PAMR1: variants seen among roughly 807,000 people sequenced by gnomAD.
PAMR1 encodes the protein inactive serine protease PAMR1.
A neutral mutation model predicts 81.8 loss-of-function variants in PAMR1; 88 were observed. The observed-to-expected ratio is 1.08, with a 90% CI of 0.91 to 1.28. PAMR1 has a LOEUF of 1.28. PAMR1 is among the 50% of genes most tolerant of loss of function. The pLI, the probability that PAMR1 is intolerant of heterozygous loss-of-function variation, is 0.00. For synonymous variants in PAMR1, 336 were observed against 345.3 expected (o/e 0.97, Z 0.30); for missense variants, 935 against 919.7 (o/e 1.02, Z -0.21).
intron 1 of PAMR1, among the ~76,000 whole-genome samples, chr11:35,496,231 C>T (rs1435444540): frequency 6.6e-6 from 1 of 152,160 alleles, no homozygotes; most frequent in African/African-American, 2.4e-5. Flanking sequence ...TTAGACATGA[C>T]ACCAAAAGCA....
At chr11:35,511,628 AT>A (rs1181811330) in intron 1 of PAMR1, among the ~76,000 whole-genome samples, 8 of 152,174 alleles carry the variant, frequency 5.3e-5, no homozygotes, top group Non-Finnish European at 5.9e-5. Flanking sequence ...CTGAGGTTTT[AT>A]TTTTACCGTC....
intron 6 of PAMR1, among the ~76,000 whole-genome samples, chr11:35,451,641 G>A (rs1856419955): frequency 6.6e-6 from 1 of 152,180 alleles, no homozygotes; most frequent in African/African-American, 2.4e-5. Context: ...ATGCTTCTGA[G>A]TTAGGATCCA....
upstream of PAMR1, among the ~76,000 whole-genome samples, chr11:35,526,653 G>A (rs372104673): frequency 6.6e-6 from 1 of 152,230 alleles, no homozygotes; most frequent in East Asian, 1.9e-4. Context: ...GGCAGAGCCA[G>A]GGTTTGAACC....
upstream of PAMR1, among the ~76,000 whole-genome samples, chr11:35,527,059 T>C (rs1436179419): frequency 6.6e-6 from 1 of 152,054 alleles, no homozygotes; most frequent in Non-Finnish European, 1.5e-5. Context: ...GAAGGTAGAA[T>C]CTGTAAAGCT....
intron 1 of PAMR1, among the ~76,000 whole-genome samples, chr11:35,504,292 T>G (rs613107): frequency 2.0e-5 from 3 of 151,912 alleles, no homozygotes; most frequent in Admixed American, 6.6e-5. Context: ...TTTGTTGAAG[T>G]TATTTGCATC....
chr11:35,450,297 G>A (rs994673946), intron 6 of PAMR1, among the ~76,000 whole-genome samples: 2 of 152,148 alleles, frequency 1.3e-5, no homozygotes, highest in African/African-American at 4.8e-5. Context: ...CTATGCGTAA[G>A]TTAATCTCAA....
intron 9 of PAMR1, 79 bp from the exon 10 acceptor site, chr11:35,434,883 C>T (rs1318197384): frequency 5.0e-6 from 7 of 1,406,766 alleles, no homozygotes; most frequent in Non-Finnish European, 6.9e-6. Flanking sequence ...AACCAGAGAG[C>T]ACAAATCTGG....
chr11:35,442,609 T>C (rs141936337), intron 6 of PAMR1, among the ~76,000 whole-genome samples: 3 of 151,950 alleles, frequency 2.0e-5, no homozygotes, highest in Admixed American at 6.6e-5. Flanking sequence ...CTTTTTCTTT[T>C]TTTATTTATT....
At chr11:35,450,952 C>T (rs1856404925) in intron 6 of PAMR1, among the ~76,000 whole-genome samples, 1 of 152,166 alleles carries the variant, frequency 6.6e-6, no homozygotes, top group African/African-American at 2.4e-5. Flanking sequence ...AGTGGAGCTC[C>T]CCATCGATTT....
At chr11:35,480,397 G>C (rs1447162467) in intron 3 of PAMR1, among the ~76,000 whole-genome samples, 1 of 152,222 alleles carries the variant, frequency 6.6e-6, no homozygotes, top group African/African-American at 2.4e-5. Context: ...TCAATGGACA[G>C]GGTCTGGCTA....
At chr11:35,481,246 G>T (rs1850384939) in intron 3 of PAMR1, among the ~76,000 whole-genome samples, 1 of 152,126 alleles carries the variant, frequency 6.6e-6, no homozygotes, top group South Asian at 2.1e-4. Context: ...GGGTCAAATG[G>T]TATTTCTGGT....
At chr11:35,462,833 C>T (rs1352847142) in intron 6 of PAMR1, among the ~76,000 whole-genome samples, 1 of 152,162 alleles carries the variant, frequency 6.6e-6, no homozygotes, top group African/African-American at 2.4e-5. Context: ...AGTGTCAAAC[C>T]AAGGTTTTTC....
intron 1 of PAMR1, among the ~76,000 whole-genome samples, chr11:35,515,715 CAG>C (rs1399555000): frequency 1.3e-5 from 2 of 152,182 alleles, no homozygotes; most frequent in Non-Finnish European, 2.9e-5. Context: ...ATTTCAAACA[CAG>C]AGAAATGAAG....
At chr11:35,528,795 A>C (rs1022353059), upstream of PAMR1, among the ~76,000 whole-genome samples, 16 of 152,292 alleles carry the variant, frequency 1.1e-4, no homozygotes, top group Middle Eastern at 6.8e-3. Context: ...CTGTTTCTGG[A>C]ATCCCCTTCA....
At chr11:35,490,682 T>G (rs1025473035) in intron 3 of PAMR1, among the ~76,000 whole-genome samples, 6 of 152,134 alleles carry the variant, frequency 3.9e-5, no homozygotes, top group African/African-American at 1.4e-4. Context: ...ACCTAACAAT[T>G]CAGTAATTAA....
intron 4 of PAMR1, 63 bp from the exon 5 acceptor site, chr11:35,470,881 G>T: frequency 3.5e-6 from 4 of 1,144,034 alleles, no homozygotes; most frequent in Non-Finnish European, 5.2e-6. Flanking sequence ...AGACCGCTGG[G>T]CTCATTCAAG....
chr11:35,504,532 C>CTTTTTTTTTTTTTTTTTTTTT (rs150880715), intron 1 of PAMR1, among the ~76,000 whole-genome samples: 1 of 152,008 alleles, frequency 6.6e-6, no homozygotes. Flanking sequence ...TGATGGGAGA[C>CTTTTTTTTTTTTTTTTTTTTT]TTTTTATTAC....
chr11:35,463,378 T>G (rs1856698104), intron 6 of PAMR1, among the ~76,000 whole-genome samples: 1 of 152,188 alleles, frequency 6.6e-6, no homozygotes, highest in Non-Finnish European at 1.5e-5. Context: ...CCCCAAGAGT[T>G]AGCCTGTTTC....
In PAMR1 at chr11:35,492,218, G is replaced by A. The variant is rs574521780; in HGVS notation, c.251-45C>T. The A allele has an allele frequency of 5.0e-5, 81 of 1,608,486 alleles. 1 individual carries two copies. In the South Asian group the frequency reaches 7.1e-4, roughly 14 times the overall value. On this transcript the variant is annotated intron_variant, in intron 2 of 10. Transcript: ENST00000619888. The stretch of plus-strand genomic sequence containing the variant: ...AGGAGTGTTAGGCCAAAGCACCTGC[G>A]AGTTCTGATCAGCTGCATGGGAGCA...
Sources: allele counts gnomAD v4.1 joint callset (sites outside exome capture counted in the v4.1 genomes callset), GRCh38; gene constraint gnomAD v4.1.1; transcripts MANE v1.5; gene names NCBI Gene and HGNC (gene_info 2026-07-23, HGNC 2026-07-21).